Variants in ZMYM1 observed in about 807,000 individuals in gnomAD.
ZMYM1 encodes the protein zinc finger MYM-type containing 1.
A neutral mutation model predicts 60.0 loss-of-function variants in ZMYM1; 39 were observed. The ratio of observed to expected loss-of-function variants is 0.65; its 90% CI spans 0.50 to 0.85. ZMYM1 has a LOEUF of 0.85. Ranked by LOEUF, ZMYM1 falls within the 40% of genes least tolerant of loss-of-function variation. The pLI is 0.00. For synonymous variants in ZMYM1, 413 were observed against 454.0 expected (o/e 0.91, Z 1.15); for missense variants, 1,171 against 1,309.5 (o/e 0.89, Z 1.63).
intron 1 of ZMYM1, among the ~76,000 whole-genome samples, chr1:35,060,883 C>G (rs780284533): frequency 2.0e-5 from 3 of 152,228 alleles, no homozygotes; most frequent in Admixed American, 6.5e-5. Flanking sequence ...GTGCTTGAAA[C>G]TCCTGTCCTA....
intron 7 of ZMYM1, among the ~76,000 whole-genome samples, chr1:35,111,531 G>A (rs1351497434): frequency 6.6e-6 from 1 of 152,182 alleles, no homozygotes. Flanking sequence ...CTGGGAAATT[G>A]TGTACAAAGG....
At chr1:35,064,292 CAAAAAAA>C in intron 1 of ZMYM1, among the ~76,000 whole-genome samples, 1 of 54,504 alleles carries the variant, frequency 1.8e-5, no homozygotes, top group Non-Finnish European at 3.9e-5. Context: ...GATCCTGTCT[CAAAAAAA>C]AAAAAAAAAA....
At chr1:35,073,564 A>G (rs1234567455) in intron 1 of ZMYM1, among the ~76,000 whole-genome samples, 4 of 149,716 alleles carry the variant, frequency 2.7e-5, no homozygotes, top group South Asian at 4.3e-4. Context: ...CAAGAAAGAA[A>G]GGAAAGAAAA....
At chr1:35,109,354 A>G (rs761067275) in intron 6 of ZMYM1, among the ~76,000 whole-genome samples, 4 of 152,148 alleles carry the variant, frequency 2.6e-5, no homozygotes, top group Non-Finnish European at 5.9e-5. Flanking sequence ...AAATCCAGGA[A>G]TATTGGTTCC....
intron 1 of ZMYM1, among the ~76,000 whole-genome samples, chr1:35,085,260 G>T (rs1280034501): frequency 6.6e-6 from 1 of 152,058 alleles, no homozygotes; most frequent in Non-Finnish European, 1.5e-5. Flanking sequence ...TGTTAGCCAG[G>T]ATGATCTCGA....
intron 4 of ZMYM1, among the ~76,000 whole-genome samples, chr1:35,100,125 A>C (rs1381554667): frequency 6.6e-6 from 1 of 152,100 alleles, no homozygotes. Flanking sequence ...TCCGGACCTC[A>C]GGTGATCTGC....
chr1:35,088,454 A>ATATGTGTG (rs1464546786), intron 1 of ZMYM1, among the ~76,000 whole-genome samples: 92 of 107,234 alleles, frequency 8.6e-4, no homozygotes, highest in African/African-American at 3.7e-3. Context: ...ATATATATAT[A>ATATGTGTG]TGTGTGTGTG....
intron 1 of ZMYM1, among the ~76,000 whole-genome samples, chr1:35,067,307 G>A (rs12077357): frequency 0.14 from 21,062 of 151,756 alleles, 4,706 homozygotes; most frequent in African/African-American, 0.47. Context: ...TAAAAATAAA[G>A]CTCAAGGTCT....
rs567658292 is a variant in ZMYM1 at position 35,113,420 on chromosome 1, A to G, written c.1590A>G (p.Gln530=). The G allele has an allele frequency of 3.7e-6, 6 of 1,613,808 alleles. No homozygotes were observed. The highest frequency in any genetic ancestry group is 2.2e-5 in the South Asian group (2 of 91,068). The change falls in exon 10 of 10, where the codon CAA becomes CAG. Residue 530 remains glutamine (Q), a synonymous_variant. Transcript: ENST00000359858. ...CATTGGAATTTTGGAGAGAATACCA[A>G]TTTTGTGATGGAGCTGTCAGTGACG... ...LKSLEFWREY[Q]FCDGAVSDDL...
In ZMYM1 at chr1:35,099,233, G is replaced by A. The variant is rs189317653; in HGVS notation, c.419+1667G>A. ...TGCTTCAGGTCTTATTCCATGGCAC[G>A]TTACTTACCATTCTCTTTTGCTTTT... On this transcript the variant is annotated intron_variant, in intron 4 of 9. Transcript: ENST00000359858. Among the ~76,000 whole-genome samples, 6 of 152,184 alleles carry A rather than the reference G, an allele frequency of 3.9e-5. No individual in the cohort carries two copies. In the East Asian group the frequency reaches 5.8e-4, roughly 15 times the overall value.
At chr1:35,072,285 A>G (rs1642081413) in intron 1 of ZMYM1, among the ~76,000 whole-genome samples, 1 of 152,178 alleles carries the variant, frequency 6.6e-6, no homozygotes, top group Non-Finnish European at 1.5e-5. Flanking sequence ...TCTTCATCAT[A>G]TAATCTTGGC....
chr1:35,105,498 A>G (rs1643868438), intron 6 of ZMYM1, among the ~76,000 whole-genome samples: 2 of 151,934 alleles, frequency 1.3e-5, no homozygotes, highest in African/African-American at 4.8e-5. Flanking sequence ...CAGTGGCACA[A>G]TCTTGGCTCA....
chr1:35,114,117 G>C lies in ZMYM1; in HGVS notation c.2287G>C (p.Glu763Gln), dbSNP rs762638853. ...SIIRFCKEVKELRSALKTLSS... is the reference protein window; with the variant it reads ...SIIRFCKEVKQLRSALKTLSS... ...AATTAGGTTTTGTAAAGAAGTAAAA[G>C]AACTCCGAAGTGCTCTAAAAACTCT... The change falls in exon 10 of 10, where the codon GAA (glutamate) becomes CAA (glutamine). Residue 763 changes from glutamate (E) to glutamine (Q), a missense_variant. Transcript: ENST00000359858. 11 of 1,612,298 alleles carry C rather than the reference G, an allele frequency of 6.8e-6. No homozygotes were observed. Among genetic ancestry groups the C allele is most frequent in the Non-Finnish European group, 9.3e-6 (11 of 1,179,546 alleles).
chr1:35,070,538 T>G (rs1302446058), intron 1 of ZMYM1, among the ~76,000 whole-genome samples: 1 of 152,202 alleles, frequency 6.6e-6, no homozygotes, highest in Non-Finnish European at 1.5e-5. Context: ...AAAAACATTA[T>G]GCTGTCTTCA....
chr1:35,104,231 T>C (rs1643803374), intron 4 of ZMYM1, 64 bp from the exon 5 acceptor site: 21 of 1,367,940 alleles, frequency 1.5e-5, no homozygotes, highest in Non-Finnish European at 2.1e-5. Flanking sequence ...GGTCATTTCA[T>C]TTATAAAGAG....
chr1:35,078,237 GC>G (rs1348766698), upstream of ZMYM1, among the ~76,000 whole-genome samples: 3 of 152,094 alleles, frequency 2.0e-5, no homozygotes, highest in Non-Finnish European at 2.9e-5. Context: ...TAGATTTGAG[GC>G]TAATTCCAAA....
chr1:35,077,332 T>C (rs770547281), upstream of ZMYM1, among the ~76,000 whole-genome samples: 3 of 152,190 alleles, frequency 2.0e-5, no homozygotes, highest in Non-Finnish European at 4.4e-5. Flanking sequence ...TAAACTGTCC[T>C]TGTTCCTTCC....
chr1:35,117,699 G>C (rs1364545864), downstream of ZMYM1, among the ~76,000 whole-genome samples: 1 of 152,120 alleles, frequency 6.6e-6, no homozygotes, highest in African/African-American at 2.4e-5. Flanking sequence ...ACAGTACTTT[G>C]GGAGGCCGAG....
intron 7 of ZMYM1, among the ~76,000 whole-genome samples, 170 bp from the exon 8 acceptor site, chr1:35,111,602 C>G (rs144146130): frequency 6.6e-6 from 1 of 152,072 alleles, no homozygotes; most frequent in Non-Finnish European, 1.5e-5. Flanking sequence ...ATTATAAATA[C>G]GATACTAAAG....
Sources: allele counts gnomAD v4.1 joint callset (sites outside exome capture counted in the v4.1 genomes callset), GRCh38; gene constraint gnomAD v4.1.1; transcripts MANE v1.5; gene names NCBI Gene and HGNC (gene_info 2026-07-23, HGNC 2026-07-21).